Variants in TUNAR observed in about 807,000 individuals in gnomAD.
TUNAR encodes protein TUNAR.
chr14:95,878,093 G>A (rs558644993), intron 2 of TUNAR, among the ~76,000 whole-genome samples: 1 of 152,346 alleles, frequency 6.6e-6, no homozygotes, highest in East Asian at 1.9e-4. Flanking sequence ...CGGAGCGGGG[G>A]CTGATCCCAG....
chr14:95,915,207 T>C (rs1039008660), intron 2 of TUNAR, among the ~76,000 whole-genome samples: 2 of 152,218 alleles, frequency 1.3e-5, no homozygotes, highest in African/African-American at 4.8e-5. Flanking sequence ...AAGCTCTGGT[T>C]GCATGCAACA....
In TUNAR at chr14:95,893,457, C is replaced by T. The variant is rs181930699; in HGVS notation, c.12+16280C>T. Reference sequence around the variant, plus strand: ...AACAGGGAAGGGGCCGCCCTCACTCCTTATGGCTCTAAGGGGTTGGGTCTG... The same window carrying T: ...AACAGGGAAGGGGCCGCCCTCACTCTTTATGGCTCTAAGGGGTTGGGTCTG... On this transcript the variant is annotated intron_variant, in intron 2 of 2. Coordinates refer to ENST00000678517, the Ensembl canonical transcript of TUNAR. Among the ~76,000 whole-genome samples, 83 of 152,252 alleles carry T rather than the reference C, an allele frequency of 5.5e-4. 1 individual carries two copies. Among genetic ancestry groups the T allele is most frequent in the Admixed American group, 3.9e-4 (6 of 15,294 alleles).
intron 2 of TUNAR, among the ~76,000 whole-genome samples, chr14:95,913,013 C>G (rs527373074): frequency 6.6e-6 from 1 of 152,180 alleles, no homozygotes; most frequent in Admixed American, 6.5e-5. Context: ...GGACGGTCTC[C>G]ATCTCCTGAC....
At chr14:95,914,671 C>T (rs745995920) in intron 2 of TUNAR, among the ~76,000 whole-genome samples, 2 of 122,196 alleles carry the variant, frequency 1.6e-5, no homozygotes, top group African/African-American at 2.9e-5. Context: ...TCATTGTCAT[C>T]ATCATCAATC....
intron 2 of TUNAR, among the ~76,000 whole-genome samples, chr14:95,891,807 T>C (rs1889184286): frequency 6.6e-6 from 1 of 152,222 alleles, no homozygotes; most frequent in Non-Finnish European, 1.5e-5. Flanking sequence ...AATCCAAGTG[T>C]CAGCAGGGCT....
At chr14:95,913,917 G>C (rs1009857754) in intron 2 of TUNAR, among the ~76,000 whole-genome samples, 2 of 152,202 alleles carry the variant, frequency 1.3e-5, no homozygotes, top group African/African-American at 4.8e-5. Flanking sequence ...ATTTATAGTA[G>C]AGACGGGGTT....
At chr14:95,885,613 G>GA (rs1486887531) in intron 2 of TUNAR, among the ~76,000 whole-genome samples, 2 of 152,172 alleles carry the variant, frequency 1.3e-5, no homozygotes, top group Non-Finnish European at 2.9e-5. Flanking sequence ...TAGGTCTGTA[G>GA]AGTCAGGCTG....
chr14:95,892,765 G>C (rs992141804), intron 2 of TUNAR, among the ~76,000 whole-genome samples: 2 of 152,224 alleles, frequency 1.3e-5, no homozygotes, highest in Admixed American at 6.5e-5. Context: ...GCACCATGCA[G>C]GGCTGCTGTG....
At chr14:95,907,617 C>T (rs1483706774) in intron 2 of TUNAR, among the ~76,000 whole-genome samples, 1 of 152,170 alleles carries the variant, frequency 6.6e-6, no homozygotes, top group African/African-American at 2.4e-5. Context: ...AGGTGCTTTA[C>T]TGAGTGTTAC....
chr14:95,878,048 C>T (rs879438240), intron 2 of TUNAR, among the ~76,000 whole-genome samples: 2 of 152,186 alleles, frequency 1.3e-5, no homozygotes, highest in African/African-American at 2.4e-5. Context: ...GTTACCTGCC[C>T]CTGGTTTTGT....
exon 3 of TUNAR, chr14:95,923,280 T>A (rs1889727657): frequency 4.1e-6 from 1 of 242,520 alleles, no homozygotes; most frequent in South Asian, 1.8e-4. Context: ...GTGCAGAAAT[T>A]CATTATTCCA....
intron 2 of TUNAR, among the ~76,000 whole-genome samples, chr14:95,881,269 G>C (rs188660317): frequency 2.0e-5 from 3 of 152,342 alleles, no homozygotes; most frequent in African/African-American, 7.2e-5. Flanking sequence ...TTTCCAAAAA[G>C]ATTCCTAAAT....
chr14:95,892,773 G>A (rs558345856), intron 2 of TUNAR, among the ~76,000 whole-genome samples: 3 of 152,242 alleles, frequency 2.0e-5, no homozygotes, highest in African/African-American at 7.2e-5. Context: ...CAGGGCTGCT[G>A]TGGGGTTCCA....
At chr14:95,894,754 C>T (rs1483136074) in intron 2 of TUNAR, among the ~76,000 whole-genome samples, 3 of 152,224 alleles carry the variant, frequency 2.0e-5, no homozygotes, top group Non-Finnish European at 4.4e-5. Context: ...GCATATTGCA[C>T]AGCTTCAAGA....
intron 2 of TUNAR, among the ~76,000 whole-genome samples, chr14:95,891,698 G>C (rs868357988): frequency 6.6e-6 from 1 of 152,338 alleles, no homozygotes; most frequent in Non-Finnish European, 1.5e-5. Context: ...TCCTAGCTGG[G>C]TGCTTAGTCT....
chr14:95,887,295 C>T (rs1294515675), intron 2 of TUNAR, among the ~76,000 whole-genome samples: 3 of 152,312 alleles, frequency 2.0e-5, no homozygotes, highest in Non-Finnish European at 4.4e-5. Flanking sequence ...CCTTGCTTGG[C>T]ACCTGGAAGT....
intron 2 of TUNAR, among the ~76,000 whole-genome samples, chr14:95,919,244 T>C (rs1342848611): frequency 6.6e-6 from 1 of 152,232 alleles, no homozygotes; most frequent in Non-Finnish European, 1.5e-5. Context: ...TTTAGCAGTA[T>C]CCACTAATGT....
rs549048101 is a variant in TUNAR at position 95,882,319 on chromosome 14, A to G, written c.12+5142A>G. Among the ~76,000 whole-genome samples, 4 of 152,338 alleles carry G rather than the reference A, an allele frequency of 2.6e-5. No individual in the cohort carries two copies. The South Asian group carries it at 8.3e-4, about 32-fold the overall frequency. On this transcript the variant is annotated intron_variant, in intron 2 of 2. Coordinates refer to ENST00000678517, the Ensembl canonical transcript of TUNAR. ...GCAAGAGTAGCTTTGCAGAGTCACC[A>G]GAGAGGATAAGATAAGAAGACAGAG...
Position 95,883,823 on chromosome 14 carries a change from C to A in TUNAR, c.12+6646C>A, listed in dbSNP as rs191787941. On this transcript the variant is annotated intron_variant, in intron 2 of 2. Transcript: ENST00000678517. ...GATCCAGGGACCACTTCCATGGAAA[C>A]ACCAGGTGAGCTTATTAAAATGCAT... 3.9e-5 allele frequency among the ~76,000 whole-genome samples: 6 copies of A among 152,294 alleles called. No homozygotes were observed. In the East Asian group the frequency reaches 1.2e-3, roughly 29 times the overall value.
Sources: allele counts gnomAD v4.1 joint callset (sites outside exome capture counted in the v4.1 genomes callset), GRCh38; gene constraint gnomAD v4.1.1; transcripts MANE v1.5; gene names NCBI Gene and HGNC (gene_info 2026-07-23, HGNC 2026-07-21).